The following SYNPR variants were observed in gnomAD, a reference collection of about 807,000 sequenced individuals.
SYNPR encodes synaptoporin.
Under a neutral mutation model 32.9 loss-of-function variants are expected in SYNPR, and 23 were observed. That is an observed-to-expected ratio of 0.70 (90% CI 0.50 to 0.99). The LOEUF is 0.99. Among genes scored for constraint, SYNPR ranks in the 50% least tolerant of loss-of-function variants. The pLI, the probability that SYNPR is intolerant of heterozygous loss-of-function variation, is 0.00. For missense variants in SYNPR, 318 were observed against 349.3 expected, an observed-to-expected ratio of 0.91 and a Z score of 0.71; for synonymous variants, 146 against 135.9, an observed-to-expected ratio of 1.07 and a Z score of -0.52.
chr3:63,237,199 T>G (rs926805288), intron 1 of SYNPR, among the ~76,000 whole-genome samples: 5 of 152,202 alleles, frequency 3.3e-5, no homozygotes, highest in Admixed American at 3.3e-4. Context: ...CAGGGTATTT[T>G]GTTCTTGTCT....
chr3:63,566,586 C>A (rs1413961988), intron 4 of SYNPR, among the ~76,000 whole-genome samples: 2 of 152,078 alleles, frequency 1.3e-5, no homozygotes, highest in African/African-American at 4.8e-5. Context: ...CCCTTGAGGG[C>A]AAAATCTGTG....
intron 4 of SYNPR, among the ~76,000 whole-genome samples, chr3:63,595,488 G>A (rs1023977954): frequency 2.0e-5 from 3 of 151,348 alleles, no homozygotes; most frequent in Non-Finnish European, 2.9e-5. Context: ...CTCAATGTCA[G>A]GAAGAAGAGG....
chr3:63,375,278 T>A (rs2087872961), intron 2 of SYNPR, among the ~76,000 whole-genome samples: 1 of 152,122 alleles, frequency 6.6e-6, no homozygotes, highest in Non-Finnish European at 1.5e-5. Flanking sequence ...ACACGTATGT[T>A]TACTGCAGCA....
Position 63,278,662 on chromosome 3 carries a change from C to T in SYNPR, c.19-15C>T, listed in dbSNP as rs1315094040. ...TCACGCTTTGCTTTCTCTCTCTCGC[C>T]TCATTCCCCCAAAGCTGGCCTCTGC... On this transcript the variant is annotated splice_polypyrimidine_tract_variant and intron_variant, in intron 1 of 5. Coordinates refer to ENST00000478300, the MANE Select transcript of SYNPR (RefSeq NM_001130003.2). The T allele has an allele frequency of 6.4e-7, 1 of 1,551,660 alleles. No individual in the cohort carries two copies. The highest frequency in any genetic ancestry group is 1.2e-5 in the South Asian group (1 of 84,062).
intron 1 of SYNPR, among the ~76,000 whole-genome samples, chr3:63,236,313 C>G (rs28787289): frequency 2.6e-3 from 394 of 151,974 alleles, no homozygotes; most frequent in African/African-American, 8.9e-3. Context: ...AAGAGTAATT[C>G]CTCCCACTAT....
chr3:63,201,694 A>G, the SYNPR span, among the ~76,000 whole-genome samples: 2 of 148,772 alleles, frequency 1.3e-5, no homozygotes, highest in Non-Finnish European at 3.0e-5. Context: ...CTTACTGTTT[A>G]AAACATTTTA....
chr3:63,312,817 A>G (rs770775204), intron 2 of SYNPR, among the ~76,000 whole-genome samples: 4 of 151,752 alleles, frequency 2.6e-5, no homozygotes, highest in Non-Finnish European at 4.4e-5. Flanking sequence ...AAACAGCCCA[A>G]CCTCTCTCCT....
intron 2 of SYNPR, among the ~76,000 whole-genome samples, chr3:63,453,001 G>C (rs115368925): frequency 6.6e-6 from 1 of 152,138 alleles, no homozygotes; most frequent in Non-Finnish European, 1.5e-5. Context: ...ACAGCTTCCT[G>C]TTCAAAGGGT....
At chr3:63,501,477 C>A (rs1701477486) in intron 3 of SYNPR, among the ~76,000 whole-genome samples, 1 of 139,888 alleles carries the variant, frequency 7.1e-6, no homozygotes, top group Non-Finnish European at 1.5e-5. Flanking sequence ...CTACTCTGTC[C>A]CCCACCCTCC....
chr3:63,244,247 A>T (rs1216362534), intron 1 of SYNPR, among the ~76,000 whole-genome samples: 1 of 151,984 alleles, frequency 6.6e-6, no homozygotes, highest in Non-Finnish European at 1.5e-5. Flanking sequence ...TCTAATATGG[A>T]TTGAGGTGGG....
intron 4 of SYNPR, among the ~76,000 whole-genome samples, chr3:63,575,630 AT>A (rs1702964779): frequency 6.6e-6 from 1 of 152,206 alleles, no homozygotes. Context: ...CTCAGAGAAA[AT>A]GTCAGTTTAC....
At chr3:63,447,882 T>G (rs760702420) in intron 2 of SYNPR, among the ~76,000 whole-genome samples, 4 of 152,142 alleles carry the variant, frequency 2.6e-5, no homozygotes, top group African/African-American at 9.7e-5. Flanking sequence ...GAGCTTTGAG[T>G]TGGCCAATCT....
intron 3 of SYNPR, among the ~76,000 whole-genome samples, chr3:63,542,458 A>G (rs895475832): frequency 6.6e-6 from 1 of 152,108 alleles, no homozygotes; most frequent in Non-Finnish European, 1.5e-5. Context: ...CCCTTTAGGA[A>G]TGAGATAAAG....
At chr3:63,362,704 T>C (rs913982251) in intron 2 of SYNPR, among the ~76,000 whole-genome samples, 14 of 152,144 alleles carry the variant, frequency 9.2e-5, no homozygotes, top group Non-Finnish European at 1.8e-4. Context: ...AACCTAACTT[T>C]ATTAGGGTGG....
intron 2 of SYNPR, among the ~76,000 whole-genome samples, chr3:63,253,417 T>A (rs957051207): frequency 1.4e-4 from 22 of 152,342 alleles, no homozygotes; most frequent in African/African-American, 5.3e-4. Flanking sequence ...TGCATTGCCT[T>A]CCTAAAGACT....
intron 2 of SYNPR, among the ~76,000 whole-genome samples, chr3:63,301,071 T>C (rs982065001): frequency 1.3e-5 from 2 of 152,168 alleles, no homozygotes. Context: ...CAGGCTTGAA[T>C]CTTTCTTCCC....
At chr3:63,449,352 C>A (rs545526363) in intron 2 of SYNPR, among the ~76,000 whole-genome samples, 1 of 152,154 alleles carries the variant, frequency 6.6e-6, no homozygotes, top group Non-Finnish European at 1.5e-5. Flanking sequence ...TACACTAGTT[C>A]CTGAATTCAT....
chr3:63,434,264 T>A (rs561525217), intron 2 of SYNPR, among the ~76,000 whole-genome samples: 1 of 152,344 alleles, frequency 6.6e-6, no homozygotes, highest in East Asian at 1.9e-4. Context: ...AAAGCCATTT[T>A]GTAAGTGTTT....
chr3:63,246,051 G>T (rs72878220), intron 1 of SYNPR, among the ~76,000 whole-genome samples: 6 of 151,898 alleles, frequency 4.0e-5, no homozygotes, highest in Non-Finnish European at 7.4e-5. Context: ...CATTTCTTAG[G>T]ATAAGTGCCT....
Sources: gnomAD v4.1 joint callset for allele counts (sites outside exome capture counted in the v4.1 genomes callset) on GRCh38, gnomAD v4.1.1 for gene constraint, MANE v1.5 for transcripts, NCBI Gene and HGNC (gene_info 2026-07-23, HGNC 2026-07-21) for gene names.